GPR19: variants seen among roughly 807,000 people sequenced by gnomAD.
GPR19 encodes the protein G protein-coupled receptor 19.
GPR19 carries 14 observed loss-of-function variants against 28.5 expected under a neutral mutation model. That is an observed-to-expected ratio of 0.49 (90% CI 0.32 to 0.77). GPR19 has a LOEUF of 0.77. Among genes scored for constraint, GPR19 ranks in the 30% least tolerant of loss-of-function variants. GPR19 has a pLI of 0.03. For missense variants in GPR19, 409 were observed against 504.1 expected (o/e 0.81, Z 1.81); for synonymous variants, 173 against 184.1 (o/e 0.94, Z 0.49).
At chr12:12,695,684 T>C (rs1946251008) in intron 1 of GPR19, among the ~76,000 whole-genome samples, 173 bp from the exon 2 acceptor site, 1 of 152,226 alleles carries the variant, frequency 6.6e-6, no homozygotes, top group Non-Finnish European at 1.5e-5. Flanking sequence ...TTCCACCTTA[T>C]ATACACCATG....
At chr12:12,705,304 C>T in the GPR19 span, among the ~76,000 whole-genome samples, 126 of 150,948 alleles carry the variant, frequency 8.3e-4, no homozygotes, top group African/African-American at 3.0e-3. Context: ...TCAACAAGAG[C>T]GAAACTCCAT....
chr12:12,706,012 G>T, the GPR19 span, among the ~76,000 whole-genome samples: 1 of 152,170 alleles, frequency 6.6e-6, no homozygotes, highest in Non-Finnish European at 1.5e-5. Context: ...CTGGCCTGTT[G>T]CCAGACTGGT....
intron 2 of GPR19, among the ~76,000 whole-genome samples, chr12:12,685,282 TG>T (rs138327192): frequency 7.4e-6 from 1 of 135,420 alleles, no homozygotes; most frequent in African/African-American, 2.8e-5. Context: ...TTTTTTTTGG[TG>T]GGGGGGAGGG....
Position 12,679,954 on chromosome 12 carries a change from T to C in GPR19, c.-23+4397A>G, listed in dbSNP as rs575072637. On this transcript the variant is annotated intron_variant, in intron 3 of 3. Transcript: ENST00000651487. ...TACACAAGAAAGGAGCTAAGGACAATGTCTGGAACAAAGCAAGTGCTCAAC... is the reference window on the plus strand; with the variant it reads ...TACACAAGAAAGGAGCTAAGGACAACGTCTGGAACAAAGCAAGTGCTCAAC... Among the ~76,000 whole-genome samples, 8 of 152,284 alleles carry C rather than the reference T, an allele frequency of 5.3e-5. No individual in the cohort carries two copies. In the South Asian group the frequency reaches 1.0e-3, roughly 20 times the overall value.
chr12:12,663,083 T>A (rs1396385206), intron 3 of GPR19, among the ~76,000 whole-genome samples: 2 of 152,114 alleles, frequency 1.3e-5, no homozygotes, highest in Non-Finnish European at 2.9e-5. Flanking sequence ...CAGAAATAGC[T>A]CCTAATTTAA....
chr12:12,688,278 A>G (rs1015893432), intron 2 of GPR19, among the ~76,000 whole-genome samples: 3 of 152,234 alleles, frequency 2.0e-5, no homozygotes, highest in African/African-American at 7.2e-5. Flanking sequence ...AACCTACTCA[A>G]TGTTACTGAA....
intron 3 of GPR19, among the ~76,000 whole-genome samples, chr12:12,670,589 C>A (rs1945842087): frequency 6.6e-6 from 1 of 152,144 alleles, no homozygotes; most frequent in Non-Finnish European, 1.5e-5. Flanking sequence ...TGTGCATCTG[C>A]CTGGTATGAG....
chr12:12,662,485 GA>G lies in GPR19; in HGVS notation c.-22-16del. ...TTCTCTTAATTCTGGTTGGGGAAAA[GA>G]AGAATGAGGCCTCCTGTTAAAAAGG... On this transcript the variant is annotated splice_polypyrimidine_tract_variant and intron_variant, in intron 3 of 3. Coordinates refer to ENST00000651487, the MANE Select transcript of GPR19 (RefSeq NM_006143.3). The G allele has an allele frequency of 6.3e-7, 1 of 1,579,696 alleles. No individual in the cohort carries two copies. Among genetic ancestry groups the G allele is most frequent in the Non-Finnish European group, 8.7e-7 (1 of 1,155,780 alleles).
intron 3 of GPR19, among the ~76,000 whole-genome samples, chr12:12,667,789 T>C (rs1945804345): frequency 6.6e-6 from 1 of 152,126 alleles, no homozygotes; most frequent in African/African-American, 2.4e-5. Context: ...ATCACTTTGC[T>C]TTGTAATTTT....
At chr12:12,684,674 C>T (rs1392336198) in intron 2 of GPR19, among the ~76,000 whole-genome samples, 167 bp from the exon 3 acceptor site, 1 of 152,164 alleles carries the variant, frequency 6.6e-6, no homozygotes, top group Non-Finnish European at 1.5e-5. Flanking sequence ...CATCTTCTCC[C>T]TCCCTTCCCC....
At chr12:12,705,115 C>CTTTTTT in the GPR19 span, among the ~76,000 whole-genome samples, 43 of 136,622 alleles carry the variant, frequency 3.1e-4, 1 homozygote, top group Non-Finnish European at 5.1e-4. Flanking sequence ...AGAAATGCAT[C>CTTTTTT]TTTTTTTTTT....
chr12:12,693,416 C>A (rs148737562), intron 2 of GPR19, among the ~76,000 whole-genome samples: 1 of 152,282 alleles, frequency 6.6e-6, no homozygotes, highest in African/African-American at 2.4e-5. Context: ...TCCGCCCCAA[C>A]CCACTACTGC....
intron 2 of GPR19, among the ~76,000 whole-genome samples, chr12:12,685,244 T>A (rs1247206202): frequency 2.7e-5 from 4 of 145,858 alleles, no homozygotes; most frequent in Admixed American, 7.2e-5. Flanking sequence ...CCATCACCCA[T>A]CCTCACTCTT....
chr12:12,693,841 T>C (rs1946220267), intron 2 of GPR19, among the ~76,000 whole-genome samples: 1 of 152,120 alleles, frequency 6.6e-6, no homozygotes, highest in Non-Finnish European at 1.5e-5. Flanking sequence ...TAGTTGGGAT[T>C]ACAAGCGCGT....
the GPR19 span, chr12:12,716,977 C>G: frequency 2.0e-6 from 2 of 992,398 alleles, no homozygotes; most frequent in Non-Finnish European, 2.4e-6. Flanking sequence ...TCGCGGTCCT[C>G]TGGTCCAGGT....
chr12:12,679,676 A>G (rs1198912884), intron 3 of GPR19, among the ~76,000 whole-genome samples: 1 of 151,720 alleles, frequency 6.6e-6, no homozygotes, highest in Non-Finnish European at 1.5e-5. Context: ...AAAAGCCCAA[A>G]ACACTACAAT....
chr12:12,679,031 G>C (rs1444626040), intron 3 of GPR19, among the ~76,000 whole-genome samples: 1 of 152,054 alleles, frequency 6.6e-6, no homozygotes, highest in Admixed American at 6.5e-5. Context: ...TCCTGACCTC[G>C]AGTGATCTGC....
At chr12:12,676,299 T>C (rs1169930146) in intron 3 of GPR19, among the ~76,000 whole-genome samples, 1 of 152,222 alleles carries the variant, frequency 6.6e-6, no homozygotes, top group Non-Finnish European at 1.5e-5. Flanking sequence ...ATCTACAATA[T>C]GCATGAGTTG....
At chr12:12,714,400 T>C in the GPR19 span, among the ~76,000 whole-genome samples, 1 of 152,344 alleles carries the variant, frequency 6.6e-6, no homozygotes, top group South Asian at 2.1e-4. Context: ...CTGGCGACGC[T>C]GGCGGCTTGC....
Sources: gnomAD v4.1 joint callset for allele counts (sites outside exome capture counted in the v4.1 genomes callset) on GRCh38, gnomAD v4.1.1 for gene constraint, MANE v1.5 for transcripts, NCBI Gene and HGNC (gene_info 2026-07-23, HGNC 2026-07-21) for gene names.